TEAD4: variants seen among roughly 807,000 people sequenced by gnomAD.
TEAD4 encodes transcriptional enhancer factor TEF-3.
In TEAD4, 36 loss-of-function variants were observed where a neutral mutation model predicts 52.4. The observed-to-expected ratio is 0.69, with a 90% confidence interval of 0.53 to 0.91. TEAD4 has a LOEUF of 0.91. TEAD4 is among the 40% of genes least tolerant of loss of function. The pLI, the probability that TEAD4 is intolerant of heterozygous loss-of-function variation, is 0.00. For synonymous variants in TEAD4, 220 were observed against 231.0 expected, an observed-to-expected ratio of 0.95 and a Z score of 0.43; for missense variants, 508 against 583.9, an observed-to-expected ratio of 0.87 and a Z score of 1.34.
At chr12:2,982,787 G>A (rs1006274535) in intron 2 of TEAD4, among the ~76,000 whole-genome samples, 6 of 152,182 alleles carry the variant, frequency 3.9e-5, no homozygotes, top group Non-Finnish European at 7.3e-5. Context: ...CCCAATCCTA[G>A]GGACATGGAG....
intron 10 of TEAD4, among the ~76,000 whole-genome samples, chr12:3,031,136 A>AT (rs2098275245): frequency 3.3e-5 from 5 of 152,286 alleles, no homozygotes; most frequent in Non-Finnish European, 1.5e-5. Context: ...GGTTGTGGGA[A>AT]TTGGAACCTG....
intron 2 of TEAD4, 144 bp downstream of exon 2, chr12:2,960,184 G>C: frequency 1.9e-6 from 1 of 533,110 alleles, no homozygotes; most frequent in Non-Finnish European, 2.4e-6. Context: ...AGGCGAAGCG[G>C]CTCCAGGGGC....
intron 10 of TEAD4, among the ~76,000 whole-genome samples, chr12:3,037,447 G>A (rs1054252389): frequency 2.0e-5 from 3 of 152,140 alleles, no homozygotes; most frequent in Admixed American, 2.0e-4. Flanking sequence ...TCAGGTCTCT[G>A]GCGAGACAAG....
intron 2 of TEAD4, among the ~76,000 whole-genome samples, chr12:2,976,217 C>G (rs6489412): frequency 6.6e-6 from 1 of 151,608 alleles, no homozygotes; most frequent in Non-Finnish European, 1.5e-5. Context: ...TCCACCAAGA[C>G]GCCGGGCTGG....
At chr12:3,029,329 C>G (rs1015131173) in intron 10 of TEAD4, among the ~76,000 whole-genome samples, 2 of 151,454 alleles carry the variant, frequency 1.3e-5, no homozygotes, top group Non-Finnish European at 2.9e-5. Flanking sequence ...GCTCCGCCTC[C>G]CGGGTTCACG....
chr12:3,040,208 C>G lies in TEAD4; in HGVS notation c.1140C>G (p.Leu380=), dbSNP rs759041633. The change falls in exon 12 of 13, where the codon CTC becomes CTG. Residue 380 remains leucine, a synonymous_variant. Coordinates refer to ENST00000359864, the MANE Select transcript of TEAD4 (RefSeq NM_003213.4). ...ACTTCATCCACAAGCTCAAGCACCT[C>G]CCTGAGAAGTACATGATGAACAGCG... 1 of 1,614,234 alleles carries G rather than the reference C, an allele frequency of 6.2e-7. No homozygotes were observed. The highest frequency in any genetic ancestry group is 8.5e-7 in the Non-Finnish European group (1 of 1,180,050).
intron 10 of TEAD4, among the ~76,000 whole-genome samples, chr12:3,036,255 C>T (rs991325350): frequency 1.4e-4 from 22 of 152,164 alleles, no homozygotes; most frequent in African/African-American, 5.1e-4. Flanking sequence ...TCATTCTGCT[C>T]CGTAGCCTGC....
chr12:3,007,131 A>G (rs567890676), intron 3 of TEAD4, among the ~76,000 whole-genome samples: 1 of 152,120 alleles, frequency 6.6e-6, no homozygotes, highest in Admixed American at 6.5e-5. Context: ...CGGCCTTTCT[A>G]GCAGCAGAGC....
chr12:2,980,605 C>T (rs1378215043), intron 2 of TEAD4, among the ~76,000 whole-genome samples: 1 of 151,974 alleles, frequency 6.6e-6, no homozygotes, highest in Non-Finnish European at 1.5e-5. Flanking sequence ...TGGTGGTGCA[C>T]GCCTGTAATT....
intron 8 of TEAD4, among the ~76,000 whole-genome samples, chr12:3,019,936 A>G (rs934387099): frequency 1.6e-4 from 24 of 152,254 alleles, no homozygotes; most frequent in African/African-American, 5.8e-4. Context: ...TCTTCACTCC[A>G]GGCCTGCTGG....
chr12:2,991,768 A>C (rs1162028672), intron 2 of TEAD4, among the ~76,000 whole-genome samples: 7 of 152,162 alleles, frequency 4.6e-5, no homozygotes, highest in Non-Finnish European at 1.0e-4. Context: ...TTTATTCCCG[A>C]AAAAGCGACT....
chr12:2,970,404 G>C (rs1248404045), intron 2 of TEAD4, among the ~76,000 whole-genome samples: 2 of 152,174 alleles, frequency 1.3e-5, no homozygotes, highest in African/African-American at 4.8e-5. Context: ...AACCTCATAC[G>C]GTGTATGTGA....
intron 2 of TEAD4, among the ~76,000 whole-genome samples, chr12:2,973,827 C>T (rs1025166197): frequency 3.9e-5 from 6 of 152,116 alleles, no homozygotes; most frequent in South Asian, 2.1e-4. Flanking sequence ...GTTTCCAAAC[C>T]GGATGATCGT....
chr12:3,026,315 G>T (rs1363414639), intron 10 of TEAD4, among the ~76,000 whole-genome samples: 1 of 152,132 alleles, frequency 6.6e-6, no homozygotes, highest in Admixed American at 6.5e-5. Flanking sequence ...ATTAGTTAAG[G>T]TTGTGTCCAA....
At chr12:3,018,701 C>CGGCCTTTCA in intron 7 of TEAD4, 113 bp downstream of exon 7, 5 of 1,402,850 alleles carry the variant, frequency 3.6e-6, no homozygotes, top group Middle Eastern at 3.6e-4. Flanking sequence ...CTGCTGGGGT[C>CGGCCTTTCA]GGCCTTTCAG....
At chr12:2,984,738 A>G (rs915273569) in intron 2 of TEAD4, among the ~76,000 whole-genome samples, 1 of 152,190 alleles carries the variant, frequency 6.6e-6, no homozygotes, top group African/African-American at 2.4e-5. Flanking sequence ...TGGTAACTCT[A>G]AGTGTTAGTA....
intron 6 of TEAD4, among the ~76,000 whole-genome samples, chr12:3,017,937 C>G (rs1565545174): frequency 6.6e-6 from 1 of 152,174 alleles, no homozygotes; most frequent in Non-Finnish European, 1.5e-5. Flanking sequence ...AGCTGGTGCC[C>G]CAAAAACAAA....
At chr12:3,018,782 C>A (rs1023813296) in intron 7 of TEAD4, among the ~76,000 whole-genome samples, 194 bp downstream of exon 7, 1 of 152,112 alleles carries the variant, frequency 6.6e-6, no homozygotes, top group Non-Finnish European at 1.5e-5. Context: ...GATGTCTACA[C>A]CCTAGGGTGG....
chr12:3,026,494 G>C (rs1277561437), intron 10 of TEAD4, among the ~76,000 whole-genome samples: 2 of 152,142 alleles, frequency 1.3e-5, no homozygotes, highest in African/African-American at 4.8e-5. Context: ...TGTACTCAGG[G>C]TCATGACTGC....
Sources: allele counts gnomAD v4.1 joint callset (sites outside exome capture counted in the v4.1 genomes callset), GRCh38; gene constraint gnomAD v4.1.1; transcripts MANE v1.5; gene names NCBI Gene and HGNC (gene_info 2026-07-23, HGNC 2026-07-21).